Variants in CDKAL1 observed in about 807,000 individuals in gnomAD.
CDKAL1 encodes the protein CDKAL1 threonylcarbamoyladenosine tRNA methylthiotransferase.
A neutral mutation model predicts 68.2 loss-of-function variants in CDKAL1; 32 were observed. The ratio of observed to expected loss-of-function variants is 0.47; its 90% CI spans 0.35 to 0.63. The LOEUF is 0.63. CDKAL1 is among the 30% of genes least tolerant of loss of function. The pLI is 0.00. For synonymous variants in CDKAL1, 234 were observed against 244.3 expected (o/e 0.96, Z 0.39); for missense variants, 606 against 696.7 (o/e 0.87, Z 1.47).
rs181032772 is a variant in CDKAL1, at chr6:20,701,057, C to A, written c.372-38462C>A. On this transcript the variant is annotated intron_variant, in intron 5 of 15. Coordinates refer to ENST00000274695, the MANE Select transcript of CDKAL1 (RefSeq NM_017774.3). ...TTCAAGGTCTTTGTAGAGAATAATA[C>A]AAAATTTCGATGAGATTTTATCACC... 2.4e-3 allele frequency among the ~76,000 whole-genome samples: 369 copies of A among 152,146 alleles called. 2 individuals carry two copies. The highest frequency in any genetic ancestry group is 7.9e-3 in the African/African-American group (329 of 41,520).
At chr6:20,595,080 C>G (rs1406864206) in intron 4 of CDKAL1, among the ~76,000 whole-genome samples, 1 of 152,148 alleles carries the variant, frequency 6.6e-6, no homozygotes, top group Non-Finnish European at 1.5e-5. Flanking sequence ...GTAACCTGAC[C>G]TTTCTCTCTG....
chr6:21,184,800 G>C (rs1777940534), intron 13 of CDKAL1, among the ~76,000 whole-genome samples: 1 of 149,964 alleles, frequency 6.7e-6, no homozygotes, highest in African/African-American at 2.5e-5. Flanking sequence ...AGGACTACAG[G>C]TGTGCACTAC....
At chr6:20,620,857 T>A (rs1424700102) in intron 4 of CDKAL1, among the ~76,000 whole-genome samples, 1 of 152,154 alleles carries the variant, frequency 6.6e-6, no homozygotes, top group Non-Finnish European at 1.5e-5. Context: ...ATTATTTACA[T>A]CTTATATTAG....
In CDKAL1 at chr6:20,646,743, G is replaced by A. The variant is rs557927339; in HGVS notation, c.287-2550G>A. Among the ~76,000 whole-genome samples, 16 of 152,094 alleles carry A rather than the reference G, an allele frequency of 1.1e-4. No individual in the cohort carries two copies. In the East Asian group the frequency reaches 2.9e-3, roughly 28 times the overall value. On this transcript the variant is annotated intron_variant, in intron 4 of 15. Coordinates refer to ENST00000274695, the MANE Select transcript of CDKAL1 (RefSeq NM_017774.3). ...GATGGATTAGGATTATCTGTCATTA[G>A]GATTATTTATTTATTTTGAGACAGA...
chr6:20,814,105 G>A (rs1178866055), intron 8 of CDKAL1, among the ~76,000 whole-genome samples: 1 of 151,794 alleles, frequency 6.6e-6, no homozygotes, highest in East Asian at 1.9e-4. Flanking sequence ...ATTCAACAGT[G>A]TTTTGTAGTT....
intron 9 of CDKAL1, among the ~76,000 whole-genome samples, chr6:20,869,182 A>T (rs183431319): frequency 3.9e-4 from 60 of 152,278 alleles, no homozygotes; most frequent in African/African-American, 1.4e-3. Flanking sequence ...GTAATTCACA[A>T]TCTCGGCCAT....
At chr6:21,061,942 C>T (rs1363923694) in intron 11 of CDKAL1, among the ~76,000 whole-genome samples, 1 of 152,184 alleles carries the variant, frequency 6.6e-6, no homozygotes, top group Non-Finnish European at 1.5e-5. Context: ...GGCCTGCCTC[C>T]TCCCTTGCTA....
chr6:20,831,666 C>T (rs1777723420), intron 8 of CDKAL1, among the ~76,000 whole-genome samples: 1 of 152,112 alleles, frequency 6.6e-6, no homozygotes, highest in African/African-American at 2.4e-5. Flanking sequence ...TGAGCTGCTC[C>T]TCATCAGTTG....
chr6:21,093,475 A>C (rs1773149659), intron 12 of CDKAL1, among the ~76,000 whole-genome samples: 1 of 152,178 alleles, frequency 6.6e-6, no homozygotes, highest in Non-Finnish European at 1.5e-5. Context: ...CGAAATCTCC[A>C]GGATGATGGT....
rs556566305 is a variant in CDKAL1 at position 21,210,051 on chromosome 6, G to A, written c.1548+8777G>A. On this transcript the variant is annotated intron_variant, in intron 15 of 15. Transcript: ENST00000274695. ...TGTCTGCATCAGTCCTGGTTTATAC[G>A]TGTTGTAATAGTATTAATAATATGC... Among the ~76,000 whole-genome samples, 11 of 148,254 alleles carry A rather than the reference G, an allele frequency of 7.4e-5. No individual in the cohort carries two copies. In the East Asian group the frequency reaches 1.0e-3, roughly 14 times the overall value.
At chr6:20,878,064 G>C (rs1760617610) in intron 9 of CDKAL1, among the ~76,000 whole-genome samples, 1 of 152,146 alleles carries the variant, frequency 6.6e-6, no homozygotes, top group Non-Finnish European at 1.5e-5. Flanking sequence ...TCTCCTACCA[G>C]GAGGAATTTC....
chr6:20,975,435 T>C (rs1414270543), intron 10 of CDKAL1, among the ~76,000 whole-genome samples: 2 of 152,228 alleles, frequency 1.3e-5, no homozygotes, highest in East Asian at 3.8e-4. Context: ...CTAATAATTC[T>C]ATTTGATTTT....
chr6:20,597,531 C>T (rs1765886551), intron 4 of CDKAL1, among the ~76,000 whole-genome samples: 1 of 152,160 alleles, frequency 6.6e-6, no homozygotes, highest in African/African-American at 2.4e-5. Flanking sequence ...TCTCATGCCT[C>T]AGCTTCCTGA....
chr6:20,862,937 G>C (rs895395421), intron 9 of CDKAL1, among the ~76,000 whole-genome samples: 1 of 152,136 alleles, frequency 6.6e-6, no homozygotes, highest in African/African-American at 2.4e-5. Context: ...TGAGGCAGGA[G>C]AATCACTTGA....
At chr6:20,963,837 G>A (rs1376765624) in intron 10 of CDKAL1, among the ~76,000 whole-genome samples, 1 of 152,112 alleles carries the variant, frequency 6.6e-6, no homozygotes, top group Non-Finnish European at 1.5e-5. Context: ...TTATGAGAAA[G>A]CAGGCATGAG....
intron 8 of CDKAL1, among the ~76,000 whole-genome samples, chr6:20,787,631 T>A (rs2150385567): frequency 6.6e-6 from 1 of 152,330 alleles, no homozygotes; most frequent in Non-Finnish European, 1.5e-5. Flanking sequence ...ACTGTCTCAC[T>A]GTAGATAATA....
At chr6:20,733,319 C>A (rs1352706302) in intron 5 of CDKAL1, among the ~76,000 whole-genome samples, 2 of 152,174 alleles carry the variant, frequency 1.3e-5, no homozygotes, top group East Asian at 3.8e-4. Context: ...AAACTGTGAA[C>A]TTTAGATCAG....
intron 13 of CDKAL1, among the ~76,000 whole-genome samples, chr6:21,147,359 C>T (rs1036351208): frequency 1.3e-5 from 2 of 152,080 alleles, no homozygotes; most frequent in African/African-American, 2.4e-5. Context: ...ACGTAACACC[C>T]GAGTAACTAA....
intron 5 of CDKAL1, among the ~76,000 whole-genome samples, chr6:20,721,884 C>T (rs1300860373): frequency 1.3e-5 from 2 of 151,962 alleles, no homozygotes; most frequent in Non-Finnish European, 2.9e-5. Context: ...AGGCTTGTGC[C>T]ACCACACCTG....
Sources: allele counts gnomAD v4.1 joint callset (sites outside exome capture counted in the v4.1 genomes callset), GRCh38; gene constraint gnomAD v4.1.1; transcripts MANE v1.5; gene names NCBI Gene and HGNC (gene_info 2026-07-23, HGNC 2026-07-21).